IL1RAPL1: variants seen among roughly 807,000 people sequenced by gnomAD.
IL1RAPL1 encodes interleukin-1 receptor accessory protein-like 1.
In IL1RAPL1, 3 loss-of-function variants were observed where a neutral mutation model predicts 48.4. That is an observed-to-expected ratio of 0.06 (90% CI 0.03 to 0.16). The LOEUF is 0.16. IL1RAPL1 is among the 10% of genes least tolerant of loss of function. The pLI, the probability that IL1RAPL1 is intolerant of heterozygous loss-of-function variation, is 1.00. For synonymous variants in IL1RAPL1, 185 were observed against 187.7 expected (o/e 0.99, Z 0.12); for missense variants, 349 against 530.6 (o/e 0.66, Z 3.36).
chrX:29,909,049 G>A (rs1370307430), intron 6 of IL1RAPL1, among the ~76,000 whole-genome samples: 3 of 111,158 alleles, frequency 2.7e-5, no homozygotes, highest in East Asian at 5.6e-4. Flanking sequence ...ATATCCTATT[G>A]TATTAGTAAA....
At chrX:29,930,988 G>A (rs1932942149) in intron 8 of IL1RAPL1, among the ~76,000 whole-genome samples, 1 of 111,525 alleles carries the variant, frequency 9.0e-6, no homozygotes, top group East Asian at 2.8e-4. Flanking sequence ...TTGAGGACAA[G>A]CCCTTCATGT....
chrX:29,265,676 G>A (rs1368420631), intron 2 of IL1RAPL1, among the ~76,000 whole-genome samples: 1 of 85,086 alleles, frequency 1.2e-5, no homozygotes, highest in East Asian at 3.9e-4. Context: ...CTGTGTCCAC[G>A]TGTTCTCATT....
chrX:29,413,793 ATTTGT>A (rs1934179008), intron 5 of IL1RAPL1, among the ~76,000 whole-genome samples: 1 of 110,793 alleles, frequency 9.0e-6, no homozygotes, highest in Non-Finnish European at 1.9e-5. Flanking sequence ...AGAATATCTT[ATTTGT>A]GTGCAAGCTA....
intron 2 of IL1RAPL1, among the ~76,000 whole-genome samples, chrX:28,873,261 C>T (rs1268237868): frequency 9.3e-6 from 1 of 107,836 alleles, no homozygotes; most frequent in Non-Finnish European, 1.9e-5. Flanking sequence ...CAGGCACTCG[C>T]GACCATGCCT....
chrX:28,689,702 A>G (rs949910248), intron 1 of IL1RAPL1, among the ~76,000 whole-genome samples: 2 of 112,244 alleles, frequency 1.8e-5, no homozygotes, highest in African/African-American at 3.2e-5. Flanking sequence ...TCAATGCTAC[A>G]TAATCAAGCT....
intron 1 of IL1RAPL1, among the ~76,000 whole-genome samples, chrX:28,737,865 A>G (rs1426862467): frequency 8.9e-6 from 1 of 111,747 alleles, no homozygotes; most frequent in East Asian, 2.8e-4. Context: ...TCTGCTAGTC[A>G]TTGGTGATAC....
intron 3 of IL1RAPL1, among the ~76,000 whole-genome samples, chrX:29,358,936 G>T (rs766414157): frequency 2.3e-4 from 25 of 108,982 alleles, no homozygotes; most frequent in African/African-American, 7.4e-4. Flanking sequence ...TGGGAGGATC[G>T]TTTGAGGCTG....
intron 1 of IL1RAPL1, among the ~76,000 whole-genome samples, chrX:28,786,829 T>C (rs1399487269): frequency 1.8e-5 from 2 of 112,227 alleles, no homozygotes; most frequent in African/African-American, 6.5e-5. Context: ...TAAGAAAATA[T>C]GTGAGAACCT....
At chrX:28,762,010 G>A (rs904757138) in intron 1 of IL1RAPL1, among the ~76,000 whole-genome samples, 2 of 111,474 alleles carry the variant, frequency 1.8e-5, no homozygotes, top group African/African-American at 6.5e-5. Flanking sequence ...CAGAATAGAT[G>A]AGAAAATTTA....
intron 5 of IL1RAPL1, among the ~76,000 whole-genome samples, chrX:29,468,270 ATAAAG>A (rs943615870): frequency 4.4e-5 from 5 of 112,733 alleles, no homozygotes; most frequent in African/African-American, 1.3e-4. Flanking sequence ...TTTTGTATTT[ATAAAG>A]TAAAGATTGA....
intron 2 of IL1RAPL1, among the ~76,000 whole-genome samples, chrX:28,853,386 T>C: frequency 1.8e-5 from 2 of 110,988 alleles, no homozygotes; most frequent in Middle Eastern, 9.4e-3. Context: ...GTAGAAACAT[T>C]GTGAGGAGCA....
chrX:28,622,448 T>A (rs1934294767), intron 1 of IL1RAPL1, among the ~76,000 whole-genome samples: 1 of 111,854 alleles, frequency 8.9e-6, no homozygotes. Context: ...ATTGTTTTTT[T>A]AAAAAAAGAA....
intron 5 of IL1RAPL1, among the ~76,000 whole-genome samples, chrX:29,421,443 G>T (rs766364897): frequency 9.5e-4 from 105 of 110,485 alleles, no homozygotes; most frequent in Non-Finnish European, 1.2e-3. Flanking sequence ...TTGCAGGCCA[G>T]TTGTAGGTTC....
At chrX:28,853,684 C>T (rs975083) in intron 2 of IL1RAPL1, among the ~76,000 whole-genome samples, 56,922 of 109,796 alleles carry the variant, frequency 0.52, 12,337 homozygotes, top group African/African-American at 0.83. Context: ...AGAAAAATAA[C>T]GCCAAAACAA....
At chrX:29,209,311 C>G (rs1166361147) in intron 2 of IL1RAPL1, among the ~76,000 whole-genome samples, 1 of 111,960 alleles carries the variant, frequency 8.9e-6, no homozygotes, top group Admixed American at 9.5e-5. Context: ...TGAATGGTGT[C>G]CTTTCAAAGT....
chrX:29,945,124 TATC>T (rs1157443614), intron 9 of IL1RAPL1, among the ~76,000 whole-genome samples: 3 of 111,876 alleles, frequency 2.7e-5, no homozygotes, highest in Non-Finnish European at 5.6e-5. Context: ...GAAGTTCTGT[TATC>T]CTCTTCTCCT....
intron 2 of IL1RAPL1, among the ~76,000 whole-genome samples, chrX:28,857,570 C>T (rs943970876): frequency 1.8e-5 from 2 of 111,259 alleles, no homozygotes; most frequent in African/African-American, 6.5e-5. Context: ...TAAATCTATT[C>T]TGCTTGTGCT....
intron 2 of IL1RAPL1, among the ~76,000 whole-genome samples, chrX:29,252,033 C>T (rs1187234261): frequency 1.6e-5 from 1 of 63,666 alleles, no homozygotes; most frequent in African/African-American, 4.9e-5. Flanking sequence ...CCAAACACCG[C>T]GTGTTCTCAC....
At chrX:29,768,767 C>G (rs1928974849) in intron 6 of IL1RAPL1, among the ~76,000 whole-genome samples, 2 of 111,516 alleles carry the variant, frequency 1.8e-5, no homozygotes, top group South Asian at 7.5e-4. Flanking sequence ...TAACAGGCCC[C>G]CATACATAGC....
Sources: allele counts gnomAD v4.1 joint callset (sites outside exome capture counted in the v4.1 genomes callset), GRCh38; gene constraint gnomAD v4.1.1; transcripts MANE v1.5; gene names NCBI Gene and HGNC (gene_info 2026-07-23, HGNC 2026-07-21).